The following ITGB2 variants were observed in gnomAD, a reference collection of about 807,000 sequenced individuals.
ITGB2 encodes the protein integrin subunit beta 2.
A neutral mutation model predicts 86.8 loss-of-function variants in ITGB2; 56 were observed. The ratio of observed to expected loss-of-function variants is 0.65; its 90% CI spans 0.52 to 0.81. The LOEUF (loss-of-function observed/expected upper bound fraction) is 0.81, where lower values mean the gene tolerates loss of function less well. Among genes scored for constraint, ITGB2 ranks in the 30% least tolerant of loss-of-function variants. ITGB2 has a pLI of 0.00. For missense variants in ITGB2, 948 were observed against 1,061.2 expected, an observed-to-expected ratio of 0.89 and a Z score of 1.48; for synonymous variants, 457 against 450.4, an observed-to-expected ratio of 1.01 and a Z score of -0.19.
At chr21:44,927,492 G>C (rs968278141) in intron 1 of ITGB2, 5 of 152,198 alleles carry the variant, frequency 3.3e-5, no homozygotes, top group Admixed American at 3.3e-4. Context: ...CTCCCTCCCA[G>C]TCACTCACCA....
Position 44,886,421 on chromosome 21 carries a change from G to A in ITGB2, c.2257C>T (p.Leu753Phe). ...ACCGTCGTGGTGGCGCTCTTGAAAA[G>A]GGGATTATCCTGGTGGGAAATGCAA... ...LKSQWNNDNPLFKSATTTVMN... is the reference protein window; with the variant it reads ...LKSQWNNDNPFFKSATTTVMN... The change falls in exon 16 of 16, where the codon CTT (leucine) becomes TTT (phenylalanine). Residue 753 changes from leucine (L) to phenylalanine (F), a missense_variant. Physicochemically the swap from Leu to Phe is conservative, Grantham distance 22 (BLOSUM62 0). Transcript: ENST00000652462. 6.2e-7 allele frequency: 1 copy of A among 1,614,144 alleles called. No homozygotes were observed. The highest frequency in any genetic ancestry group is 8.5e-7 in the Non-Finnish European group (1 of 1,179,994).
At chr21:44,897,517 G>A (rs1018752129) in intron 8 of ITGB2, among the ~76,000 whole-genome samples, 5 of 152,200 alleles carry the variant, frequency 3.3e-5, no homozygotes, top group African/African-American at 1.2e-4. Flanking sequence ...TAGGGCGGCT[G>A]CTCTGTGAAT....
chr21:44,910,974 C>T lies in ITGB2; in HGVS notation c.-3-189G>A, dbSNP rs564389045. On this transcript the variant is annotated intron_variant, in intron 1 of 15. Coordinates refer to ENST00000652462, the MANE Select transcript of ITGB2 (RefSeq NM_000211.5). Reference sequence around the variant, plus strand: ...CCAACAGCCAGGGAGGGAGGGATCCCGGGCTCAGCAGTGCGGGCAGCACAC... The same window carrying T: ...CCAACAGCCAGGGAGGGAGGGATCCTGGGCTCAGCAGTGCGGGCAGCACAC... 233 of 623,372 alleles carry T rather than the reference C, an allele frequency of 3.7e-4. 2 individuals are homozygous for T. Among genetic ancestry groups the T allele is most frequent in the African/African-American group, 2.6e-3 (141 of 54,790 alleles). 38.6% of individuals were successfully genotyped at this position (623,372 alleles called of 1,614,324 possible).
intron 2 of ITGB2, 160 bp from the exon 3 acceptor site, chr21:44,910,532 C>A: frequency 1.4e-6 from 2 of 1,480,688 alleles, no homozygotes; most frequent in East Asian, 2.5e-5. Context: ...CAAAGAGGGG[C>A]CCTCGGGAAA....
Position 44,915,175 on chromosome 21 carries a change from G to A in ITGB2, c.-3-4390C>T, listed in dbSNP as rs755469571. 5.3e-5 allele frequency among the ~76,000 whole-genome samples: 8 copies of A among 151,942 alleles called. 1 individual carries two copies. The highest frequency in any genetic ancestry group is 1.3e-4 in the Admixed American group (2 of 15,266). On this transcript the variant is annotated intron_variant, in intron 1 of 15. Transcript: ENST00000652462. ...AGTAGCTGGGACTACAGGCTCCCAC[G>A]ACCACGCCCAGCTAATTTTTTTGTG...
rs1489812255 is a variant in ITGB2, at chr21:44,891,679, G to A, written c.1412+130C>T. Reference sequence around the variant, plus strand: ...AAATCTCCCCACCTCCTGCAGAAGGGGGCCCCCAGGATGCCTGCTCCGTGG... The same window carrying A: ...AAATCTCCCCACCTCCTGCAGAAGGAGGCCCCCAGGATGCCTGCTCCGTGG... On this transcript the variant is annotated intron_variant, in intron 11 of 15. Transcript: ENST00000652462. 4 of 1,045,596 alleles carry A rather than the reference G, an allele frequency of 3.8e-6. No homozygotes were observed. The South Asian group carries it at 4.4e-5, about 12-fold the overall frequency. 64.8% of individuals were successfully genotyped at this position (1,045,596 alleles called of 1,614,324 possible).
At position 44,910,429 on chromosome 21, in the gene ITGB2, A is replaced by AG. The variant is rs747970801; in HGVS notation, c.59-58dup. On this transcript the variant is annotated intron_variant, in intron 2 of 15. Coordinates refer to ENST00000652462, the MANE Select transcript of ITGB2 (RefSeq NM_000211.5). ...CTCTGGGCCGCCCTGCCCACACCCAAGGGGGAGTAGAGCAGGAAGGTCAGA... is the reference window on the plus strand; with the variant it reads ...CTCTGGGCCGCCCTGCCCACACCCAAGGGGGGAGTAGAGCAGGAAGGTCAGA... 7.4e-6 allele frequency: 12 copies of AG among 1,612,180 alleles called. No individual in the cohort carries two copies. In the Admixed American group the frequency reaches 2.0e-4, roughly 27 times the overall value.
chr21:44,892,998 C>T, intron 10 of ITGB2: 1 of 253,420 alleles, frequency 3.9e-6, no homozygotes, highest in Non-Finnish European at 7.7e-6. Context: ...CCTCAGTCTG[C>T]AGTGGCCTGA....
chr21:44,887,018 G>T, intron 14 of ITGB2, 116 bp from the exon 15 acceptor site: 1 of 1,292,126 alleles, frequency 7.7e-7, no homozygotes, highest in Non-Finnish European at 1.1e-6. Flanking sequence ...GGTTCCCAGG[G>T]CCCCGGCTCA....
chr21:44,896,613 A>G (rs1194647664), intron 8 of ITGB2, among the ~76,000 whole-genome samples: 2 of 148,500 alleles, frequency 1.3e-5, no homozygotes, highest in African/African-American at 5.0e-5. Context: ...CCCTCCGCCC[A>G]CCGCCCACTT....
At chr21:44,899,827 C>T (rs2083923097) in intron 7 of ITGB2, among the ~76,000 whole-genome samples, 1 of 152,234 alleles carries the variant, frequency 6.6e-6, no homozygotes, top group African/African-American at 2.4e-5. Flanking sequence ...GCATGTTCCT[C>T]ATGGTCCCCG....
Position 44,910,315 on chromosome 21 carries a change from G to C in ITGB2, c.116C>G (p.Ser39Trp). Residue 39 changes from serine to tryptophan, a missense_variant, in exon 3 of 16, where the codon TCG becomes TGG. Ser to Trp is a radical substitution (Grantham distance 177, BLOSUM62 -3). Transcript: ENST00000652462. ...CTGGCACCAGGTGCAGCCGGGCCCCGACTCGATGCATTCCCGGCAGCTGCT... is the reference window on the plus strand; with the variant it reads ...CTGGCACCAGGTGCAGCCGGGCCCCCACTCGATGCATTCCCGGCAGCTGCT... ...KVSSCRECIE[S>W]GPGCTWCQKL... 1 of 1,614,112 alleles carries C rather than the reference G, an allele frequency of 6.2e-7. No homozygotes were observed. The highest frequency in any genetic ancestry group is 1.7e-4 in the Middle Eastern group (1 of 6,058).
rs368913880 is a variant in ITGB2, at chr21:44,888,824, A to C, written c.1949T>G (p.Leu650Arg). 2 of 1,611,134 alleles carry C rather than the reference A, an allele frequency of 1.2e-6. No individual in the cohort carries two copies. Among genetic ancestry groups the C allele is most frequent in the Non-Finnish European group, 1.7e-6 (2 of 1,179,974 alleles). ...GKNCSAACPG[L>R]QLSNNPVKGR... is the part of the protein sequence containing the mutation. ...CTTCACGGGGTTGTTCGACAGCTGC[A>C]GGCCCGGACACGCCGCGCTGCAGTT... Residue 650 changes from leucine (L) to arginine (R), a missense_variant, in exon 14 of 16, where the codon CTG becomes CGG. Leu to Arg is a moderately radical substitution (Grantham distance 102). Coordinates refer to ENST00000652462, the MANE Select transcript of ITGB2 (RefSeq NM_000211.5).
intron 13 of ITGB2, 38 bp from the exon 14 acceptor site, chr21:44,888,933 T>C: frequency 6.4e-7 from 1 of 1,553,804 alleles, no homozygotes; most frequent in Non-Finnish European, 8.7e-7. Context: ...TGCCAGGGTG[T>C]GCGGGGGCTC....
At chr21:44,892,026 AC>A in intron 10 of ITGB2, 30 bp from the exon 11 acceptor site, 2 of 1,603,750 alleles carry the variant, frequency 1.2e-6, no homozygotes, top group Non-Finnish European at 1.7e-6. Flanking sequence ...TCAGGTGGGG[AC>A]CCTCGGTGGC....
intron 8 of ITGB2, among the ~76,000 whole-genome samples, chr21:44,897,636 T>C (rs1259412750): frequency 6.6e-6 from 1 of 152,118 alleles, no homozygotes; most frequent in Non-Finnish European, 1.5e-5. Flanking sequence ...GCCTGGGGCG[T>C]CCTGTGGTAA....
At chr21:44,889,923 A>G in intron 12 of ITGB2, 55 bp downstream of exon 12, 3 of 1,607,358 alleles carry the variant, frequency 1.9e-6, no homozygotes, top group South Asian at 2.2e-5. Flanking sequence ...GCACCCCCCA[A>G]CACCAAGTCT....
intron 1 of ITGB2, among the ~76,000 whole-genome samples, chr21:44,913,870 T>C (rs950363416): frequency 1.3e-5 from 2 of 152,172 alleles, no homozygotes; most frequent in Non-Finnish European, 2.9e-5. Context: ...GGGATGGGAA[T>C]GGGTAAGGCA....
At chr21:44,889,846 G>A in intron 12 of ITGB2, 132 bp downstream of exon 12, 1 of 1,347,070 alleles carries the variant, frequency 7.4e-7, no homozygotes, top group Non-Finnish European at 1.0e-6. Context: ...CCGGTGGCTG[G>A]GCGAGACTTG....
Sources: allele counts gnomAD v4.1 joint callset (sites outside exome capture counted in the v4.1 genomes callset), GRCh38; gene constraint gnomAD v4.1.1; transcripts MANE v1.5; gene names NCBI Gene and HGNC (gene_info 2026-07-23, HGNC 2026-07-21).